Variants in ZNF329 observed in about 807,000 individuals in gnomAD.
The protein encoded by ZNF329 is zinc finger protein 329.
ZNF329 carries 15 observed loss-of-function variants against 26.6 expected under a neutral mutation model. The observed-to-expected ratio is 0.56, with a 90% CI of 0.38 to 0.87. The LOEUF is 0.87. ZNF329 is among the 40% of genes least tolerant of loss of function. ZNF329 has a pLI of 0.00. For synonymous variants in ZNF329, 239 were observed against 233.5 expected (o/e 1.02, Z -0.21); for missense variants, 651 against 651.9 (o/e 1.00, Z 0.02).
Position 58,128,097 on chromosome 19 carries a change from A to T in ZNF329, c.1407T>A (p.Cys469Ter). 1 of 1,605,858 alleles carries T rather than the reference A, an allele frequency of 6.2e-7. No individual in the cohort carries two copies. The highest frequency in any genetic ancestry group is 8.5e-7 in the Non-Finnish European group (1 of 1,175,868). The change falls in exon 4 of 4, where the codon TGT (cysteine) becomes TGA (stop). Residue 469 changes from cysteine to a stop codon, truncating the protein, a stop_gained. Transcript: ENST00000598312. LOFTEE classifies it high-confidence loss of function. ...QCGKAFRDSSCLTKHQRIHTK... is the reference protein window; with the variant it reads ...QCGKAFRDSS ...TGTGAATTCTCTGGTGCTTGGTCAG[A>T]CAGGAGCTGTCCCTGAAGGCTTTGC...
Position 58,127,629 on chromosome 19 carries a change from G to C in ZNF329, c.*249C>G. On this transcript the variant is annotated 3_prime_UTR_variant, in exon 4 of 4. Transcript: ENST00000598312. ...CCCCATGTTTGCACATTTCATTCCA[G>C]TGTGTGTGTTGTCATGTCTGGTACA... The C allele has an allele frequency of 2.5e-6, 1 of 403,104 alleles. No individual in the cohort carries two copies. The highest frequency in any genetic ancestry group is 4.4e-6 in the Non-Finnish European group (1 of 225,782). 25.0% of individuals were successfully genotyped at this position (403,104 alleles called of 1,614,324 possible).
intron 3 of ZNF329, among the ~76,000 whole-genome samples, chr19:58,131,597 G>A (rs895748264): frequency 2.6e-5 from 4 of 152,070 alleles, no homozygotes; most frequent in Admixed American, 2.0e-4. Flanking sequence ...TTCTTACAGA[G>A]AGAAAATAAG....
At chr19:58,134,008 G>A in intron 3 of ZNF329, among the ~76,000 whole-genome samples, 1 of 152,154 alleles carries the variant, frequency 6.6e-6, no homozygotes, top group East Asian at 1.9e-4. Flanking sequence ...AGTTTCTCAT[G>A]ATTCATGTTA....
At chr19:58,144,466 C>T (rs1298922195) in intron 1 of ZNF329, among the ~76,000 whole-genome samples, 1 of 151,670 alleles carries the variant, frequency 6.6e-6, no homozygotes, top group East Asian at 1.9e-4. Context: ...CGGCTCACTG[C>T]AACCTCCGCT....
Position 58,129,330 on chromosome 19 carries a change from C to A in ZNF329, c.174G>T (p.Gly58=). ...RQSALTLEKP[G]TQEAICEYPG... ...GATATTCACAAATTGCTTCCTGAGT[C>A]CCTGGTTTCTCCAGAGTTAAAGCTG... The change falls in exon 4 of 4, where the codon GGG becomes GGT. Residue 58 remains glycine (G), a synonymous_variant. Coordinates refer to ENST00000598312, the MANE Select transcript of ZNF329 (RefSeq NM_024620.4). The A allele has an allele frequency of 6.2e-7, 1 of 1,614,204 alleles. No homozygotes were observed. Among genetic ancestry groups the A allele is most frequent in the Non-Finnish European group, 8.5e-7 (1 of 1,180,042 alleles).
chr19:58,127,173 GC>G lies in ZNF329; in HGVS notation c.*704del, dbSNP rs2146042179. The G allele has an allele frequency of 6.6e-6, 1 of 152,250 alleles. No homozygotes were observed. The highest frequency in any genetic ancestry group is 6.5e-5 in the Admixed American group (1 of 15,280). The allele number at this position is 152,250 out of a possible 1,614,324, so 9.4% of individuals were successfully genotyped here. ...TGTTGTTACAGAAAACACAGTAAGA[GC>G]CCCTGCCAAAGCCTCTCTTTCTGAT... is the stretch of plus-strand genomic sequence containing the variant. On this transcript the variant is annotated 3_prime_UTR_variant, in exon 4 of 4. Transcript: ENST00000598312.
chr19:58,128,230 T>C lies in ZNF329; in HGVS notation c.1274A>G (p.Lys425Arg), dbSNP rs753997188. 1.9e-6 allele frequency: 3 copies of C among 1,593,952 alleles called. No individual in the cohort carries two copies. In the Admixed American group the frequency reaches 5.2e-5, roughly 28 times the overall value. ...CTGACACTGGTTGCAGCCATAGGGC[T>C]TCTCGCCAGTATGAATCCTCTGATG... ...IRHQRIHTGE[K>R]PYGCNQCQKL... The change falls in exon 4 of 4, where the codon AAG becomes AGG. Residue 425 changes from lysine to arginine, a missense_variant. Coordinates refer to ENST00000598312, the MANE Select transcript of ZNF329 (RefSeq NM_024620.4).
chr19:58,141,303 CTT>C (rs951643572), intron 3 of ZNF329, among the ~76,000 whole-genome samples: 3 of 146,738 alleles, frequency 2.0e-5, no homozygotes, highest in Non-Finnish European at 4.5e-5. Context: ...GCTTAACACT[CTT>C]TTTTTTTTTC....
In ZNF329 at chr19:58,127,036, C is replaced by T. The variant is rs985422170; in HGVS notation, c.*842G>A. On this transcript the variant is annotated 3_prime_UTR_variant, in exon 4 of 4. Transcript: ENST00000598312. ...CCTAGTTTGCCCTCCTGCAACGAGT[C>T]CTCAGCATTATTGCAGGAGTATAAT... The T allele has an allele frequency of 1.3e-5, 2 of 152,216 alleles. No homozygotes were observed. Among genetic ancestry groups the T allele is most frequent in the Non-Finnish European group, 1.5e-5 (1 of 68,066 alleles). The allele number at this position is 152,216 out of a possible 1,614,324, so 9.4% of individuals were successfully genotyped here.
At position 58,129,353 on chromosome 19, in the gene ZNF329, C is replaced by T. The variant is rs995138466; in HGVS notation, c.151G>A (p.Ala51Thr). The change falls in exon 4 of 4, where the codon GCT becomes ACT. Residue 51 changes from alanine (A) to threonine (T), a missense_variant. Ala to Thr is a moderately conservative substitution (Grantham distance 58). Coordinates refer to ENST00000598312, the MANE Select transcript of ZNF329 (RefSeq NM_024620.4). ...ENQEGHLRQS[A>T]LTLEKPGTQE... Reference sequence around the variant, plus strand: ...GTCCCTGGTTTCTCCAGAGTTAAAGCTGATTGCCTCAAGTGTCCCTCCTGG... The same window carrying T: ...GTCCCTGGTTTCTCCAGAGTTAAAGTTGATTGCCTCAAGTGTCCCTCCTGG... 6.2e-7 allele frequency: 1 copy of T among 1,614,234 alleles called. No homozygotes were observed. Among genetic ancestry groups the T allele is most frequent in the African/African-American group, 1.3e-5 (1 of 75,058 alleles).
intron 3 of ZNF329, among the ~76,000 whole-genome samples, chr19:58,140,202 C>T (rs2075152869): frequency 1.3e-5 from 2 of 151,998 alleles, no homozygotes; most frequent in South Asian, 2.1e-4. Flanking sequence ...GAGACTGGAT[C>T]GGTTCTGGGG....
Position 58,143,206 on chromosome 19 carries a change from A to AG in ZNF329, c.-207-9_-207-8insC, listed in dbSNP as rs2075225716. 3.1e-5 allele frequency: 1 copy of AG among 32,592 alleles called. No homozygotes were observed. The highest frequency in any genetic ancestry group is 8.3e-5 in the Non-Finnish European group (1 of 11,984). 2.0% of individuals were successfully genotyped at this position (32,592 alleles called of 1,614,324 possible). ...GGGTGAGACAGCAAGACCCTATCTCAAAAAAAAGAAAACAAAAATTAACAA... is the reference window on the plus strand; with the variant it reads ...GGGTGAGACAGCAAGACCCTATCTCAGAAAAAAAGAAAACAAAAATTAACAA... On this transcript the variant is annotated splice_polypyrimidine_tract_variant and intron_variant, in intron 1 of 3. Coordinates refer to ENST00000598312, the MANE Select transcript of ZNF329 (RefSeq NM_024620.4).
chr19:58,152,188 A>G (rs2075466617), upstream of ZNF329, among the ~76,000 whole-genome samples: 1 of 152,128 alleles, frequency 6.6e-6, no homozygotes, highest in Non-Finnish European at 1.5e-5. Flanking sequence ...TTCAGAACAC[A>G]CTGACATATT....
At chr19:58,153,658 A>T (rs2075495618), upstream of ZNF329, among the ~76,000 whole-genome samples, 1 of 152,194 alleles carries the variant, frequency 6.6e-6, no homozygotes, top group African/African-American at 2.4e-5. Flanking sequence ...TTCTTGGGGT[A>T]GGAGACTTTC....
intron 3 of ZNF329, among the ~76,000 whole-genome samples, chr19:58,137,486 G>A (rs1353951025): frequency 2.0e-5 from 3 of 152,020 alleles, no homozygotes; most frequent in African/African-American, 4.8e-5. Context: ...CCCAGGAAGC[G>A]GAGGTTGCAG....
intron 1 of ZNF329, among the ~76,000 whole-genome samples, chr19:58,146,939 A>G (rs1320421863): frequency 6.6e-6 from 1 of 152,082 alleles, no homozygotes; most frequent in Non-Finnish European, 1.5e-5. Context: ...GGCCTCCCAA[A>G]GTGCCGAGAG....
Position 58,127,957 on chromosome 19 carries a change from C to A in ZNF329, c.1547G>T (p.Cys516Phe), listed in dbSNP as rs1310376875. Residue 516 changes from cysteine to phenylalanine, a missense_variant, in exon 4 of 4, where the codon TGT becomes TTT. Transcript: ENST00000598312. ...TGAGCTCTTTTGGAACATTTTTCCACACTGAGGACACCGGCTGGGACCCTC... is the reference window on the plus strand; with the variant it reads ...TGAGCTCTTTTGGAACATTTTTCCAAACTGAGGACACCGGCTGGGACCCTC... ...SREGPSRCPQ[C>F]GKMFQKSSSL... 1 of 1,613,804 alleles carries A rather than the reference C, an allele frequency of 6.2e-7. No homozygotes were observed. Among genetic ancestry groups the A allele is most frequent in the African/African-American group, 1.3e-5 (1 of 74,892 alleles).
chr19:58,138,928 C>T (rs560282270), intron 3 of ZNF329, among the ~76,000 whole-genome samples: 45 of 149,940 alleles, frequency 3.0e-4, no homozygotes, highest in Middle Eastern at 3.4e-3. Flanking sequence ...ACCTAGGAGG[C>T]GGAGGAGACA....
intron 3 of ZNF329, among the ~76,000 whole-genome samples, chr19:58,130,613 G>A (rs2074917120): frequency 6.8e-6 from 1 of 146,598 alleles, no homozygotes; most frequent in South Asian, 2.1e-4. Context: ...GGCGGAGCTT[G>A]CAGTGAGCCA....
Sources: gnomAD v4.1 joint callset for allele counts (sites outside exome capture counted in the v4.1 genomes callset) on GRCh38, gnomAD v4.1.1 for gene constraint, MANE v1.5 for transcripts, NCBI Gene and HGNC (gene_info 2026-07-23, HGNC 2026-07-21) for gene names.